The following COL18A1 variants were observed in gnomAD, a reference collection of about 807,000 sequenced individuals.
The protein encoded by COL18A1 is collagen alpha-1(XVIII) chain.
In COL18A1, 133 loss-of-function variants were observed where a neutral mutation model predicts 168.0. The ratio of observed to expected loss-of-function variants is 0.79; its 90% CI spans 0.69 to 0.91. COL18A1 has a LOEUF of 0.91. COL18A1 is among the 40% of genes least tolerant of loss of function. COL18A1 has a pLI of 0.00. For synonymous variants in COL18A1, 949 were observed against 809.0 expected, an observed-to-expected ratio of 1.17 and a Z score of -2.94; for missense variants, 2,126 against 1,925.4, an observed-to-expected ratio of 1.10 and a Z score of -1.95.
At chr21:45,456,391 C>T (rs953325335) in intron 2 of COL18A1, 45 of 1,548,156 alleles carry the variant, frequency 2.9e-5, no homozygotes, top group East Asian at 4.9e-5. Context: ...GGCTCCCGGG[C>T]GCACTGTCTC....
chr21:45,437,245 T>TAC (rs372338269), intron 2 of COL18A1, among the ~76,000 whole-genome samples: 5 of 51,340 alleles, frequency 9.7e-5, no homozygotes, highest in Non-Finnish European at 1.7e-4. Context: ...CACTCTCCTG[T>TAC]ACACACACAC....
At chr21:45,499,942 C>G (rs189001706) in intron 32 of COL18A1, among the ~76,000 whole-genome samples, 3 of 152,132 alleles carry the variant, frequency 2.0e-5, no homozygotes, top group African/African-American at 4.8e-5. Flanking sequence ...GTAAGTATGA[C>G]GAGGGTAGAT....
intron 16 of COL18A1, 123 bp from the exon 17 acceptor site, chr21:45,487,324 G>A: frequency 8.6e-7 from 1 of 1,169,144 alleles, no homozygotes; most frequent in South Asian, 1.3e-5. Context: ...GAGAACGGCG[G>A]CTCCCCAGGC....
At chr21:45,433,785 C>T (rs140886973) in intron 2 of COL18A1, among the ~76,000 whole-genome samples, 37 of 152,322 alleles carry the variant, frequency 2.4e-4, no homozygotes, top group Non-Finnish European at 3.8e-4. Flanking sequence ...TGTGTCTTCT[C>T]TGTGCCTCAG....
At chr21:45,476,950 T>TGTGTGA (rs1432530846) in intron 6 of COL18A1, among the ~76,000 whole-genome samples, 1 of 150,114 alleles carries the variant, frequency 6.7e-6, no homozygotes, top group African/African-American at 2.5e-5. Flanking sequence ...TGTGTGTGTG[T>TGTGTGA]GGCAGGTGGG....
At chr21:45,488,942 C>G (rs1338798101) in intron 18 of COL18A1, among the ~76,000 whole-genome samples, 1 of 151,498 alleles carries the variant, frequency 6.6e-6, no homozygotes, top group African/African-American at 2.4e-5. Context: ...AGGGCAGGTG[C>G]CTGAGCAGGG....
chr21:45,428,217 G>T (rs1370874856), intron 2 of COL18A1, among the ~76,000 whole-genome samples: 2 of 152,172 alleles, frequency 1.3e-5, no homozygotes, highest in African/African-American at 2.4e-5. Flanking sequence ...AGCGTGTGGT[G>T]AGGGTGGCCT....
intron 2 of COL18A1, among the ~76,000 whole-genome samples, chr21:45,412,255 G>A (rs1181623612): frequency 1.8e-5 from 2 of 112,314 alleles, no homozygotes; most frequent in African/African-American, 3.9e-5. Context: ...TTTTTTTTTC[G>A]AGATGGAGTC....
At position 45,487,460 on chromosome 21, in the gene COL18A1, G is replaced by C; in HGVS notation, c.1847G>C (p.Gly616Ala). 2 of 1,613,040 alleles carry C rather than the reference G, an allele frequency of 1.2e-6. No individual in the cohort carries two copies. Among genetic ancestry groups the C allele is most frequent in the Non-Finnish European group, 1.7e-6 (2 of 1,179,990 alleles). Reference sequence around the variant, plus strand: ...TGTCTCTTCCAGGATGACATGGAAGGCTCCGGGGGGCCCTTCTGGTCAACA... The same window carrying C: ...TGTCTCTTCCAGGATGACATGGAAGCCTCCGGGGGGCCCTTCTGGTCAACA... ...GLPAGFDDME[G>A]SGGPFWSTAR... The change falls in exon 17 of 42, where the codon GGC (glycine) becomes GCC (alanine). Residue 616 changes from glycine to alanine, a missense_variant. Gly to Ala is a moderately conservative substitution (Grantham distance 60). Coordinates refer to ENST00000651438, the MANE Select transcript of COL18A1 (RefSeq NM_001379500.1).
chr21:45,507,263 G>A, intron 37 of COL18A1: 4 of 493,236 alleles, frequency 8.1e-6, no homozygotes, highest in Non-Finnish European at 1.5e-5. Context: ...GGGCAGGGAG[G>A]GCAACCTGCT....
chr21:45,411,616 G>A (rs1014874769), intron 2 of COL18A1, among the ~76,000 whole-genome samples: 2 of 151,852 alleles, frequency 1.3e-5, no homozygotes, highest in African/African-American at 2.4e-5. Context: ...TGCCCTTATC[G>A]CTGACACAGG....
intron 36 of COL18A1, 144 bp from the exon 37 acceptor site, chr21:45,505,694 G>A (rs992237207): frequency 5.5e-6 from 4 of 722,218 alleles, no homozygotes; most frequent in Admixed American, 4.2e-5. Flanking sequence ...TCCCCATGGT[G>A]CTCATGGGGG....
chr21:45,420,366 CTG>C (rs1201723165), intron 2 of COL18A1: 2 of 152,288 alleles, frequency 1.3e-5, no homozygotes, highest in Non-Finnish European at 2.9e-5. Context: ...TGCGAGGACA[CTG>C]TGATCTCAGA....
chr21:45,459,725 G>A (rs529366340), intron 2 of COL18A1, among the ~76,000 whole-genome samples: 1 of 152,342 alleles, frequency 6.6e-6, no homozygotes, highest in South Asian at 2.1e-4. Context: ...CACACGGGAG[G>A]GCCGGGGTGG....
At chr21:45,507,320 G>C in intron 37 of COL18A1, 1 of 589,276 alleles carries the variant, frequency 1.7e-6, no homozygotes. Context: ...ACCCTCCTGT[G>C]GGCTGGCAGG....
intron 6 of COL18A1, among the ~76,000 whole-genome samples, chr21:45,476,708 G>A (rs2035671879): frequency 6.6e-6 from 1 of 151,606 alleles, no homozygotes; most frequent in Non-Finnish European, 1.5e-5. Context: ...TTTATGTGAT[G>A]TGTATGTAGT....
rs779244012 is a variant in COL18A1, at chr21:45,496,603, C to G, written c.2577+35C>G. 3.9e-5 allele frequency: 12 copies of G among 307,200 alleles called. No individual in the cohort carries two copies. The South Asian group carries it at 4.4e-4, about 11-fold the overall frequency. 19.0% of individuals were successfully genotyped at this position (307,200 alleles called of 1,614,324 possible). On this transcript the variant is annotated intron_variant, in intron 30 of 41. Coordinates refer to ENST00000651438, the MANE Select transcript of COL18A1 (RefSeq NM_001379500.1). ...CAGGGCACCCACTGTCCTACAGCCA[C>G]CCTTGGCTGTCACACAGAGCCCCAC...
chr21:45,505,897 C>A lies in COL18A1; in HGVS notation c.3147C>A (p.Gly1049=), dbSNP rs575701186. The change falls in exon 37 of 42, where the codon GGC becomes GGA. Residue 1049 remains glycine, a synonymous_variant. Coordinates refer to ENST00000651438, the MANE Select transcript of COL18A1 (RefSeq NM_001379500.1). ...GCCAGGTGCACGAGGTTCCCGAGGGCTGGCTCATCTTCGTGGCCGAGCAGG... is the reference window on the plus strand; with the variant it reads ...GCCAGGTGCACGAGGTTCCCGAGGGATGGCTCATCTTCGTGGCCGAGCAGG... ...MLGQVHEVPE[G]WLIFVAEQEE... is the part of the protein sequence containing the mutation. The A allele has an allele frequency of 1.2e-6, 2 of 1,612,594 alleles. No homozygotes were observed. Among genetic ancestry groups the A allele is most frequent in the African/African-American group, 2.7e-5 (2 of 74,928 alleles).
At chr21:45,510,476 C>T (rs916061010) in intron 40 of COL18A1, among the ~76,000 whole-genome samples, 3 of 152,202 alleles carry the variant, frequency 2.0e-5, no homozygotes, top group African/African-American at 7.2e-5. Flanking sequence ...CCACGTCCCC[C>T]AGGGCATCCC....
Sources: gnomAD v4.1 joint callset for allele counts (sites outside exome capture counted in the v4.1 genomes callset) on GRCh38, gnomAD v4.1.1 for gene constraint, MANE v1.5 for transcripts, NCBI Gene and HGNC (gene_info 2026-07-23, HGNC 2026-07-21) for gene names.